Variants in RGS13 observed in about 807,000 individuals in gnomAD.
RGS13 encodes the protein regulator of G protein signaling 13, also known as regulator of G-protein signalling 13.
RGS13 carries 14 observed loss-of-function variants against 19.9 expected under a neutral mutation model. The ratio of observed to expected loss-of-function variants is 0.70; its 90% confidence interval spans 0.46 to 1.10. The LOEUF (loss-of-function observed/expected upper bound fraction) is 1.10. Ranked by LOEUF, RGS13 falls within the 50% of genes least tolerant of loss-of-function variation. RGS13 has a pLI of 0.00. For synonymous variants in RGS13, 60 were observed against 56.8 expected (o/e 1.06, Z -0.25); for missense variants, 205 against 187.1 (o/e 1.10, Z -0.56).
intron 2 of RGS13, 61 bp from the exon 3 acceptor site, chr1:192,638,103 A>C (rs140841306): frequency 9.6e-4 from 146 of 152,176 alleles, no homozygotes; most frequent in African/African-American, 3.3e-3. Context: ...TTTTTAAACC[A>C]ATGGTTATTT....
intron 3 of RGS13, among the ~76,000 whole-genome samples, chr1:192,639,062 C>T (rs555830004): frequency 3.9e-5 from 6 of 152,058 alleles, no homozygotes; most frequent in African/African-American, 1.4e-4. Flanking sequence ...GACCAAAGAA[C>T]CCTCACTGAA....
At chr1:192,641,932 C>T (rs926030741) in intron 3 of RGS13, among the ~76,000 whole-genome samples, 2 of 152,082 alleles carry the variant, frequency 1.3e-5, no homozygotes, top group Admixed American at 6.6e-5. Flanking sequence ...TCCTCCAAAA[C>T]GTCTACAATC....
intron 3 of RGS13, among the ~76,000 whole-genome samples, chr1:192,641,254 A>AAAGAAAAGAAAGAAAGAAAG (rs1553257010): frequency 3.0e-5 from 2 of 67,388 alleles, no homozygotes; most frequent in African/African-American, 1.0e-4. Flanking sequence ...GAAAAGAAAG[A>AAAGAAAAGAAAGAAAGAAAG]AAAGAAAGAA....
At chr1:192,651,586 C>T (rs12032127) in intron 5 of RGS13, among the ~76,000 whole-genome samples, 41,084 of 151,350 alleles carry the variant, frequency 0.27, 6,863 homozygotes, top group East Asian at 0.43. Flanking sequence ...TAGAGGAATG[C>T]AAAGTAGGAA....
chr1:192,657,701 T>C (rs965176996), intron 5 of RGS13, among the ~76,000 whole-genome samples: 1 of 152,136 alleles, frequency 6.6e-6, no homozygotes, highest in Non-Finnish European at 1.5e-5. Flanking sequence ...TGATTAGACA[T>C]TGAGAAACAC....
In RGS13 at chr1:192,660,291, AAATAT is replaced by A. The variant is rs1241234030; in HGVS notation, c.*770_*774del. The A allele has an allele frequency of 7.9e-5, 12 of 152,180 alleles. No homozygotes were observed. The highest frequency in any genetic ancestry group is 7.9e-4 in the Admixed American group (12 of 15,272). 9.4% of individuals were successfully genotyped at this position (152,180 alleles called of 1,614,324 possible). On this transcript the variant is annotated 3_prime_UTR_variant, in exon 7 of 7. Transcript: ENST00000391995. ...ACATTATCTTTCTCAAAGACAAAAT[AAATAT>A]ATTTTCCAGTACAAATTTCAAAAGG... is the stretch of plus-strand genomic sequence containing the variant.
intron 4 of RGS13, 183 bp downstream of exon 4, chr1:192,644,582 A>T (rs781195409): frequency 2.0e-5 from 11 of 544,350 alleles, no homozygotes; most frequent in Non-Finnish European, 3.6e-5. Flanking sequence ...TTCATTATTC[A>T]TGGTTTACAC....
intron 5 of RGS13, among the ~76,000 whole-genome samples, chr1:192,648,586 G>A (rs1045418092): frequency 1.2e-4 from 18 of 152,022 alleles, no homozygotes; most frequent in African/African-American, 2.4e-4. Flanking sequence ...AAGCTGGTCC[G>A]TTGTAGAAAA....
intron 5 of RGS13, among the ~76,000 whole-genome samples, chr1:192,655,840 G>A (rs948506333): frequency 6.6e-6 from 1 of 151,970 alleles, no homozygotes; most frequent in African/African-American, 2.4e-5. Flanking sequence ...TGGAGAGATA[G>A]ATAGATGGAA....
At chr1:192,654,537 G>C (rs1044931407) in intron 5 of RGS13, among the ~76,000 whole-genome samples, 1 of 151,916 alleles carries the variant, frequency 6.6e-6, no homozygotes, top group Non-Finnish European at 1.5e-5. Context: ...CACATACTAT[G>C]GTAGAATTAT....
At chr1:192,651,278 C>T (rs1464854121) in intron 5 of RGS13, among the ~76,000 whole-genome samples, 1 of 152,022 alleles carries the variant, frequency 6.6e-6, no homozygotes, top group Non-Finnish European at 1.5e-5. Flanking sequence ...CTAGACATGG[C>T]AATATGGAAG....
chr1:192,650,965 A>G (rs924136186), intron 5 of RGS13, among the ~76,000 whole-genome samples: 2 of 152,068 alleles, frequency 1.3e-5, no homozygotes, highest in Non-Finnish European at 2.9e-5. Context: ...AGTAGGGAAG[A>G]CAAGGCTGGG....
intron 5 of RGS13, among the ~76,000 whole-genome samples, chr1:192,656,217 A>G (rs1208157373): frequency 6.6e-6 from 1 of 151,818 alleles, no homozygotes; most frequent in Non-Finnish European, 1.5e-5. Context: ...TGTGTGACAG[A>G]CTCTCATTCC....
chr1:192,654,769 T>C (rs1211050118), intron 5 of RGS13, among the ~76,000 whole-genome samples: 1 of 152,060 alleles, frequency 6.6e-6, no homozygotes, highest in Non-Finnish European at 1.5e-5. Context: ...AACACTGGCA[T>C]GTGTCACCTT....
chr1:192,659,146 A>G, intron 6 of RGS13, 192 bp from the exon 7 acceptor site: 1 of 416,728 alleles, frequency 2.4e-6, no homozygotes, highest in Non-Finnish European at 4.2e-6. Flanking sequence ...TTGGATGTGG[A>G]GTTGGATATT....
chr1:192,639,398 G>C (rs758829718), intron 3 of RGS13, among the ~76,000 whole-genome samples: 4 of 152,036 alleles, frequency 2.6e-5, no homozygotes, highest in Non-Finnish European at 5.9e-5. Flanking sequence ...GTAAATCTCT[G>C]TTGTAGACCC....
intron 4 of RGS13, chr1:192,645,005 AC>A (rs764951447): frequency 2.6e-5 from 4 of 152,214 alleles, no homozygotes; most frequent in Non-Finnish European, 4.4e-5. Context: ...TTCTGGCCAC[AC>A]CTTTTTGTAT....
chr1:192,642,634 C>T (rs545149746), intron 3 of RGS13, among the ~76,000 whole-genome samples: 16 of 151,988 alleles, frequency 1.1e-4, no homozygotes, highest in African/African-American at 3.6e-4. Flanking sequence ...GCCTAAATTC[C>T]TTTTATTTCC....
intron 5 of RGS13, among the ~76,000 whole-genome samples, chr1:192,648,770 G>A (rs550701895): frequency 1.3e-5 from 2 of 152,182 alleles, no homozygotes; most frequent in South Asian, 2.1e-4. Context: ...CTCTGTGAAT[G>A]TTTTATCTGT....
Sources: allele counts gnomAD v4.1 joint callset (sites outside exome capture counted in the v4.1 genomes callset), GRCh38; gene constraint gnomAD v4.1.1; transcripts MANE v1.5; gene names NCBI Gene and HGNC (gene_info 2026-07-23, HGNC 2026-07-21).